Variants in PTPRN2 observed in about 807,000 individuals in gnomAD.
PTPRN2 encodes receptor-type tyrosine-protein phosphatase N2.
Under a neutral mutation model 118.8 loss-of-function variants are expected in PTPRN2, and 74 were observed. The observed-to-expected ratio is 0.62, with a 90% CI of 0.52 to 0.76. PTPRN2 has a LOEUF of 0.76. Among genes scored for constraint, PTPRN2 ranks in the 30% least tolerant of loss-of-function variants. The pLI, the probability that PTPRN2 is intolerant of heterozygous loss-of-function variation, is 0.00. For synonymous variants in PTPRN2, 641 were observed against 608.0 expected, an observed-to-expected ratio of 1.05 and a Z score of -0.80; for missense variants, 1,481 against 1,394.4, an observed-to-expected ratio of 1.06 and a Z score of -0.99.
At chr7:157,641,363 G>A (rs1288387772) in intron 14 of PTPRN2, among the ~76,000 whole-genome samples, 1 of 152,202 alleles carries the variant, frequency 6.6e-6, no homozygotes, top group East Asian at 1.9e-4. Flanking sequence ...GATGTACACA[G>A]GCCAAACACT....
intron 1 of PTPRN2, among the ~76,000 whole-genome samples, chr7:158,549,360 C>T (rs1826496125): frequency 6.6e-6 from 1 of 152,212 alleles, no homozygotes; most frequent in African/African-American, 2.4e-5. Context: ...CTCTGGCGAG[C>T]TTTGTGTTCA....
intron 2 of PTPRN2, among the ~76,000 whole-genome samples, chr7:158,394,178 C>CT (rs1346101548): frequency 1.3e-5 from 2 of 151,756 alleles, no homozygotes; most frequent in East Asian, 3.9e-4. Context: ...TGGACCCCCT[C>CT]TGTCCCCCAC....
intron 12 of PTPRN2, among the ~76,000 whole-genome samples, chr7:157,818,204 A>G (rs780253799): frequency 2.8e-4 from 42 of 151,822 alleles, no homozygotes; most frequent in Admixed American, 1.3e-3. Flanking sequence ...AAGTGTGTGC[A>G]CATGTGTGTT....
chr7:158,172,742 G>A (rs1823820001), intron 5 of PTPRN2, among the ~76,000 whole-genome samples: 1 of 134,812 alleles, frequency 7.4e-6, no homozygotes, highest in Non-Finnish European at 1.6e-5. Flanking sequence ...ACCATCCACA[G>A]CAGGATCCCC....
chr7:158,137,591 C>T (rs994597653), intron 7 of PTPRN2, among the ~76,000 whole-genome samples: 6 of 152,124 alleles, frequency 3.9e-5, no homozygotes, highest in Non-Finnish European at 8.8e-5. Flanking sequence ...GGGCGACCAC[C>T]TAACACAGGC....
chr7:157,586,951 T>A (rs1033229060), intron 17 of PTPRN2, among the ~76,000 whole-genome samples: 1 of 152,110 alleles, frequency 6.6e-6, no homozygotes, highest in Non-Finnish European at 1.5e-5. Flanking sequence ...CAGGCCAGGG[T>A]CATCTCTGGA....
chr7:158,332,429 T>A (rs1435197009), intron 2 of PTPRN2, among the ~76,000 whole-genome samples: 16 of 143,820 alleles, frequency 1.1e-4, no homozygotes, highest in Non-Finnish European at 1.5e-4. Flanking sequence ...AGCTGACACC[T>A]GCAGACGTCA....
At chr7:157,817,876 ATGTT>A (rs1228626343) in intron 12 of PTPRN2, among the ~76,000 whole-genome samples, 3 of 150,516 alleles carry the variant, frequency 2.0e-5, no homozygotes, top group African/African-American at 7.4e-5. Context: ...AGTGCACATG[ATGTT>A]TGTGTGGTGT....
chr7:158,175,991 C>G (rs1285791040), intron 5 of PTPRN2, among the ~76,000 whole-genome samples: 1 of 151,832 alleles, frequency 6.6e-6, no homozygotes, highest in African/African-American at 2.4e-5. Flanking sequence ...CTCACGACAT[C>G]GTGAGGCCAG....
intron 2 of PTPRN2, among the ~76,000 whole-genome samples, chr7:158,322,474 C>T (rs1563136898): frequency 6.7e-6 from 1 of 148,930 alleles, no homozygotes; most frequent in Non-Finnish European, 1.5e-5. Flanking sequence ...TGGCAGCATC[C>T]AGCCCCGGTG....
intron 11 of PTPRN2, among the ~76,000 whole-genome samples, chr7:158,045,600 C>T (rs966658900): frequency 6.6e-6 from 1 of 152,224 alleles, no homozygotes. Flanking sequence ...TTGTTTAGCA[C>T]AGACATCCTG....
At chr7:158,390,195 C>T (rs547753742) in intron 2 of PTPRN2, among the ~76,000 whole-genome samples, 7 of 152,250 alleles carry the variant, frequency 4.6e-5, no homozygotes, top group Non-Finnish European at 8.8e-5. Flanking sequence ...GAGGCGCCGT[C>T]GCCCTGGGCC....
chr7:157,684,885 C>T (rs1797098522), intron 12 of PTPRN2, among the ~76,000 whole-genome samples: 5 of 151,884 alleles, frequency 3.3e-5, no homozygotes, highest in Middle Eastern at 6.8e-3. Flanking sequence ...CTAGAGCGCG[C>T]GGGGGGCCCC....
chr7:157,803,370 C>G (rs1020954676), intron 12 of PTPRN2, among the ~76,000 whole-genome samples: 5 of 152,218 alleles, frequency 3.3e-5, no homozygotes, highest in African/African-American at 1.2e-4. Context: ...ACCACTCACC[C>G]TACCTTTCGT....
chr7:158,470,529 C>T (rs776591596), intron 2 of PTPRN2, among the ~76,000 whole-genome samples: 12 of 152,174 alleles, frequency 7.9e-5, no homozygotes, highest in South Asian at 4.2e-4. Flanking sequence ...TGTCCCTCGA[C>T]GGAGCACGAC....
At chr7:157,998,417 C>T (rs1381785787) in intron 11 of PTPRN2, among the ~76,000 whole-genome samples, 2 of 152,194 alleles carry the variant, frequency 1.3e-5, no homozygotes, top group African/African-American at 4.8e-5. Context: ...AGACCACCTG[C>T]GTGAGACGCG....
intron 2 of PTPRN2, among the ~76,000 whole-genome samples, chr7:158,387,680 A>G (rs2151370170): frequency 7.2e-6 from 1 of 139,372 alleles, no homozygotes; most frequent in African/African-American, 2.5e-5. Flanking sequence ...CTGCTGACTT[A>G]AAGGCAATGG....
At chr7:158,505,530 C>G (rs1257106030) in intron 1 of PTPRN2, among the ~76,000 whole-genome samples, 1 of 152,178 alleles carries the variant, frequency 6.6e-6, no homozygotes, top group Non-Finnish European at 1.5e-5. Flanking sequence ...CAACAGGCTC[C>G]TAAGGTTAAA....
intron 15 of PTPRN2, among the ~76,000 whole-genome samples, chr7:157,613,839 T>G (rs1376401075): frequency 1.3e-5 from 2 of 152,162 alleles, no homozygotes; most frequent in Non-Finnish European, 2.9e-5. Context: ...GCCGCCGTCC[T>G]GCGGCCCCCC....
Sources: allele counts gnomAD v4.1 joint callset (sites outside exome capture counted in the v4.1 genomes callset), GRCh38; gene constraint gnomAD v4.1.1; transcripts MANE v1.5; gene names NCBI Gene and HGNC (gene_info 2026-07-23, HGNC 2026-07-21).